Variants in KLKB1 observed in about 807,000 individuals in gnomAD.
The protein encoded by KLKB1 is kallikrein B1, also known as plasma kallikrein.
Under a neutral mutation model 73.6 loss-of-function variants are expected in KLKB1, and 58 were observed. The ratio of observed to expected loss-of-function variants is 0.79; its 90% confidence interval spans 0.64 to 0.98. The LOEUF is 0.98. Among genes scored for constraint, KLKB1 ranks in the 50% least tolerant of loss-of-function variants. The probability of loss-of-function intolerance (pLI) is 0.00; values close to 1 mark genes in which losing one functional copy is unlikely to be tolerated. For missense variants in KLKB1, 737 were observed against 763.8 expected, an observed-to-expected ratio of 0.96 and a Z score of 0.41; for synonymous variants, 280 against 258.1, an observed-to-expected ratio of 1.08 and a Z score of -0.81.
intron 2 of KLKB1, among the ~76,000 whole-genome samples, chr4:186,228,501 A>G (rs562439033): frequency 3.9e-4 from 60 of 152,348 alleles, no homozygotes; most frequent in Non-Finnish European, 7.9e-4. Flanking sequence ...TTGTGTTAAC[A>G]AAAACTTCTG....
chr4:186,215,942 T>C (rs1360374115), intron 2 of KLKB1, among the ~76,000 whole-genome samples: 1 of 152,194 alleles, frequency 6.6e-6, no homozygotes, highest in Non-Finnish European at 1.5e-5. Context: ...AGTGTTGGTT[T>C]ATTATTACCA....
At chr4:186,223,571 A>G (rs1281151556), upstream of KLKB1, among the ~76,000 whole-genome samples, 2 of 152,210 alleles carry the variant, frequency 1.3e-5, no homozygotes, top group Non-Finnish European at 2.9e-5. Flanking sequence ...TTTGAACTTG[A>G]GAGAGATGAT....
chr4:186,215,936 T>A (rs1736890556), intron 2 of KLKB1, among the ~76,000 whole-genome samples: 1 of 152,196 alleles, frequency 6.6e-6, no homozygotes, highest in South Asian at 2.1e-4. Context: ...GTAGCCAGTG[T>A]TGGTTTATTA....
intron 5 of KLKB1, among the ~76,000 whole-genome samples, 200 bp from the exon 6 acceptor site, chr4:186,238,055 CT>C (rs1368012743): frequency 6.6e-6 from 1 of 152,132 alleles, no homozygotes; most frequent in African/African-American, 2.4e-5. Context: ...ACGGAGTCTC[CT>C]GCCTCATTCT....
At chr4:186,217,477 A>T (rs1431883109) in intron 2 of KLKB1, among the ~76,000 whole-genome samples, 1 of 152,018 alleles carries the variant, frequency 6.6e-6, no homozygotes, top group Non-Finnish European at 1.5e-5. Context: ...AAAATATTTT[A>T]TTGGCAACAT....
chr4:186,232,088 A>G (rs533148132), intron 2 of KLKB1, 39 bp from the exon 3 acceptor site: 5 of 1,525,072 alleles, frequency 3.3e-6, no homozygotes, highest in Non-Finnish European at 4.5e-6. Flanking sequence ...AAATTATTAT[A>G]TGAATTATCG....
chr4:186,213,498 G>T (rs1736794868), intron 2 of KLKB1: 1 of 152,164 alleles, frequency 6.6e-6, no homozygotes, highest in Non-Finnish European at 1.5e-5. Flanking sequence ...CTAACAAAAG[G>T]TTCCTTTACT....
At chr4:186,237,849 T>A (rs990634004) in intron 5 of KLKB1, among the ~76,000 whole-genome samples, 1 of 152,130 alleles carries the variant, frequency 6.6e-6, no homozygotes, top group African/African-American at 2.4e-5. Flanking sequence ...CAGTCTCTAC[T>A]GTCTATCGCT....
At chr4:186,245,810 TTG>T (rs199825982) in intron 6 of KLKB1, among the ~76,000 whole-genome samples, 14 of 88,856 alleles carry the variant, frequency 1.6e-4, no homozygotes, top group Admixed American at 6.0e-4. Context: ...GAGTTTTTTT[TTG>T]TTTGTTTTTT....
At chr4:186,234,843 A>G (rs916564609) in intron 4 of KLKB1, among the ~76,000 whole-genome samples, 1 of 152,246 alleles carries the variant, frequency 6.6e-6, no homozygotes, top group Non-Finnish European at 1.5e-5. Context: ...GACTGATAAG[A>G]AAGTGAAAAG....
upstream of KLKB1, among the ~76,000 whole-genome samples, chr4:186,225,656 G>A (rs1015962759): frequency 6.6e-6 from 1 of 151,760 alleles, no homozygotes; most frequent in Non-Finnish European, 1.5e-5. Flanking sequence ...GGATGGTCTC[G>A]ATCTCCTGAC....
intron 2 of KLKB1, among the ~76,000 whole-genome samples, chr4:186,219,518 AGAAAG>A (rs925860063): frequency 6.6e-6 from 1 of 152,220 alleles, no homozygotes; most frequent in Non-Finnish European, 1.5e-5. Flanking sequence ...TAAAGGAAAA[AGAAAG>A]GAAATAAAAT....
chr4:186,228,646 C>T (rs1393398991), intron 2 of KLKB1, among the ~76,000 whole-genome samples: 4 of 152,122 alleles, frequency 2.6e-5, no homozygotes, highest in South Asian at 2.1e-4. Context: ...TGTCTGGGTC[C>T]AATCCAAGTA....
intron 6 of KLKB1, among the ~76,000 whole-genome samples, chr4:186,238,585 T>A (rs770976065): frequency 4.2e-4 from 64 of 151,998 alleles, no homozygotes; most frequent in Non-Finnish European, 8.8e-4. Flanking sequence ...ACAAGGCTCA[T>A]AAGAAAAAGA....
chr4:186,228,104 C>T (rs113104797), intron 1 of KLKB1, 91 bp from the exon 2 acceptor site: 17 of 779,106 alleles, frequency 2.2e-5, no homozygotes, highest in African/African-American at 2.1e-4. Context: ...GCAATTCAGA[C>T]ATTTACAAGA....
At chr4:186,219,549 G>T (rs1736986938) in intron 2 of KLKB1, among the ~76,000 whole-genome samples, 1 of 152,124 alleles carries the variant, frequency 6.6e-6, no homozygotes, top group South Asian at 2.1e-4. Flanking sequence ...TATTTTCTTA[G>T]TACAAGTGTA....
In KLKB1 at chr4:186,238,324, A is replaced by T; in HGVS notation, c.557A>T (p.Glu186Val). The T allele has an allele frequency of 6.2e-7, 1 of 1,613,976 alleles. No individual in the cohort carries two copies. The highest frequency in any genetic ancestry group is 8.5e-7 in the Non-Finnish European group (1 of 1,179,858). ...GCTATAAAGGTGCTGAGTAACGTGG[A>T]ATCTGGATTCTCACTGAAGCCCTGT... ...PTAIKVLSNV[E>V]SGFSLKPCAL... Residue 186 changes from glutamate (E) to valine (V), a missense_variant, in exon 6 of 15, where the codon GAA (glutamate) becomes GTA (valine). Transcript: ENST00000264690.
At chr4:186,217,843 C>T (rs1293287843) in intron 2 of KLKB1, among the ~76,000 whole-genome samples, 2 of 152,024 alleles carry the variant, frequency 1.3e-5, no homozygotes, top group Admixed American at 6.6e-5. Context: ...AATAGAGCTC[C>T]CTGAGTTGGA....
Position 186,219,648 on chromosome 4 carries a change from G to A in KLKB1, c.201+10376G>A, listed in dbSNP as rs558947074. ...TGCAGCTGGTCACGTGGGCATAGCC[G>A]GTATTGATGACTACCTTCTTCTACT... On this transcript the variant is annotated intron_variant, in intron 2 of 14. Coordinates refer to the KLKB1 transcript ENST00000511608. Among the ~76,000 whole-genome samples, 194 of 152,232 alleles carry A rather than the reference G, an allele frequency of 1.3e-3. 3 individuals carry two copies. The highest frequency in any genetic ancestry group is 4.9e-4 in the Non-Finnish European group (33 of 68,010).
Sources: gnomAD v4.1 joint callset for allele counts (sites outside exome capture counted in the v4.1 genomes callset) on GRCh38, gnomAD v4.1.1 for gene constraint, MANE v1.5 for transcripts, NCBI Gene and HGNC (gene_info 2026-07-23, HGNC 2026-07-21) for gene names.